FCER2: variants seen among roughly 807,000 people sequenced by gnomAD.
FCER2 encodes low affinity immunoglobulin epsilon Fc receptor.
A neutral mutation model predicts 49.7 loss-of-function variants in FCER2; 38 were observed. The ratio of observed to expected loss-of-function variants is 0.76; its 90% CI spans 0.59 to 1.00. The LOEUF is 1.00. FCER2 is among the 50% of genes least tolerant of loss of function. The pLI is 0.00. For synonymous variants in FCER2, 163 were observed against 164.6 expected (o/e 0.99, Z 0.07); for missense variants, 425 against 419.5 (o/e 1.01, Z -0.11).
intron 8 of FCER2, among the ~76,000 whole-genome samples, chr19:7,692,172 ACGTC>A (rs2032895290): frequency 7.6e-6 from 1 of 132,298 alleles, no homozygotes; most frequent in African/African-American, 3.2e-5. Flanking sequence ...GAATACATTC[ACGTC>A]CAACAACACA....
chr19:7,699,664 G>A lies in FCER2; in HGVS notation c.22+75C>T, dbSNP rs752360163. 1.3e-4 allele frequency: 169 copies of A among 1,295,486 alleles called. 1 individual carries two copies. In the East Asian group the frequency reaches 1.9e-3, roughly 15 times the overall value. The allele number at this position is 1,295,486 out of a possible 1,614,324, so 80.2% of individuals were successfully genotyped here. A position where few individuals can be genotyped will look rare whatever the true frequency, so the allele number is the denominator to read the frequency against. ...TCCCAGAGAGGGACTGGGGAGCCCC[G>A]CTTCTCTTCTGGGTGAAAGGCAGTA... On this transcript the variant is annotated intron_variant, in intron 2 of 10. Coordinates refer to ENST00000597921, the MANE Select transcript of FCER2 (RefSeq NM_001220500.2).
chr19:7,693,893 C>G (rs930810826), intron 8 of FCER2, among the ~76,000 whole-genome samples: 1 of 151,978 alleles, frequency 6.6e-6, no homozygotes, highest in African/African-American at 2.4e-5. Context: ...ATGTGATCCA[C>G]CTGCCTCGGC....
Position 7,690,162 on chromosome 19 carries a change from T to A in FCER2, c.725A>T (p.Tyr242Phe). 6.2e-7 allele frequency: 1 copy of A among 1,600,558 alleles called. No individual in the cohort carries two copies. Among genetic ancestry groups the A allele is most frequent in the Non-Finnish European group, 8.6e-7 (1 of 1,167,812 alleles). ...ATCCCAGAGGCCCCCTCCTCACCTGTAGTCCACGTGGCTCCCATCCACCCA... is the reference window on the plus strand; with the variant it reads ...ATCCCAGAGGCCCCCTCCTCACCTGAAGTCCACGTGGCTCCCATCCACCCA... ...FIWVDGSHVD[Y>F]SNWAPGEPTS... The change falls in exon 10 of 11, where the codon TAC (tyrosine) becomes TTC (phenylalanine). Residue 242 changes from tyrosine to phenylalanine, a missense_variant. Tyr to Phe is a conservative substitution (Grantham distance 22). Transcript: ENST00000597921.
rs888973830 is a variant in FCER2 at position 7,689,065 on chromosome 19, G to A, written c.*128C>T. On this transcript the variant is annotated 3_prime_UTR_variant, in exon 11 of 11. Transcript: ENST00000597921. Reference sequence around the variant, plus strand: ...GGGAAGGCAGGGGCCATAGAGGAGCGGGAGATGTGTCAGCTGCCTCCGTTT... The same window carrying A: ...GGGAAGGCAGGGGCCATAGAGGAGCAGGAGATGTGTCAGCTGCCTCCGTTT... 17 of 667,800 alleles carry A rather than the reference G, an allele frequency of 2.5e-5. No individual in the cohort carries two copies. The highest frequency in any genetic ancestry group is 1.5e-4 in the South Asian group (8 of 54,102). 41.4% of individuals were successfully genotyped at this position (667,800 alleles called of 1,614,324 possible).
At chr19:7,689,782 G>A (rs1442813020) in intron 10 of FCER2, among the ~76,000 whole-genome samples, 1 of 152,006 alleles carries the variant, frequency 6.6e-6, no homozygotes, top group Non-Finnish European at 1.5e-5. Context: ...ATCATGACTG[G>A]CTAATTTCTG....
chr19:7,697,669 G>T, intron 4 of FCER2, 80 bp from the exon 5 acceptor site: 1 of 1,144,792 alleles, frequency 8.7e-7, no homozygotes, highest in Non-Finnish European at 1.3e-6. Flanking sequence ...CAGGCTCAGG[G>T]ACCCTCTCAC....
In FCER2 at chr19:7,698,295, G is replaced by A. The variant is rs368372701; in HGVS notation, c.190+61C>T. On this transcript the variant is annotated intron_variant, in intron 4 of 10. Coordinates refer to ENST00000597921, the MANE Select transcript of FCER2 (RefSeq NM_001220500.2). ...GGGACACTGAGGCCCAGAGAGGAGC[G>A]GGATGAGTGCTGGGCATCCTAACCC... 461 of 1,180,394 alleles carry A rather than the reference G, an allele frequency of 3.9e-4. 2 individuals are homozygous for A. In the African/African-American group the frequency reaches 5.5e-3, roughly 14 times the overall value. The allele number at this position is 1,180,394 out of a possible 1,614,324, so 73.1% of individuals were successfully genotyped here. A position where few individuals can be genotyped will look rare whatever the true frequency, so the allele number is the denominator to read the frequency against.
At chr19:7,690,037 C>G (rs1456610588) in intron 10 of FCER2, 122 bp downstream of exon 10, 4 of 695,674 alleles carry the variant, frequency 5.7e-6, no homozygotes, top group Non-Finnish European at 1.0e-5. Context: ...TCCTTCTCCC[C>G]TGCACCCTAG....
intron 6 of FCER2, 27 bp from the exon 7 acceptor site, chr19:7,697,102 G>A (rs2033035900): frequency 6.2e-7 from 1 of 1,613,318 alleles, no homozygotes; most frequent in East Asian, 2.2e-5. Context: ...CGCAGGGCTG[G>A]TCTCAGGGAG....
At chr19:7,698,613 G>T in intron 3 of FCER2, 128 bp downstream of exon 3, 2 of 1,294,888 alleles carry the variant, frequency 1.5e-6, no homozygotes, top group Non-Finnish European at 2.1e-6. Context: ...AAGATGGGAG[G>T]CAGGATGGGA....
At position 7,688,929 on chromosome 19, in the gene FCER2, G is replaced by A; in HGVS notation, c.*264C>T. On this transcript the variant is annotated 3_prime_UTR_variant, in exon 11 of 11. Transcript: ENST00000597921. The stretch of plus-strand genomic sequence containing the variant: ...TGTACTCTCATCTGGAGAGGGTGCT[G>A]TTGGGGTGTACTCTCATCTGGAGAG... The A allele has an allele frequency of 2.0e-6, 1 of 508,400 alleles. No homozygotes were observed. Among genetic ancestry groups the A allele is most frequent in the Non-Finnish European group, 3.5e-6 (1 of 283,040 alleles). 31.5% of individuals were successfully genotyped at this position (508,400 alleles called of 1,614,324 possible). A position where few individuals can be genotyped will look rare whatever the true frequency, so the allele number is the denominator to read the frequency against.
chr19:7,698,819 G>C lies in FCER2; in HGVS notation c.58C>G (p.Arg20Gly), dbSNP rs773775018. 2 of 1,610,670 alleles carry C rather than the reference G, an allele frequency of 1.2e-6. No homozygotes were observed. The highest frequency in any genetic ancestry group is 1.7e-6 in the Non-Finnish European group (2 of 1,178,858). ...CCCAGCAGCACGATCTGAGTCCCAC[G>C]CCTGCAACACCGCCTCCTGGGAAGC... ...EELPRRRCCR[R>G]GTQIVLLGLV... Residue 20 changes from arginine to glycine, a missense_variant, in exon 3 of 11, where the codon CGT becomes GGT. Transcript: ENST00000597921.
intron 1 of FCER2, among the ~76,000 whole-genome samples, chr19:7,701,568 G>C (rs1367320959): frequency 1.3e-5 from 2 of 151,838 alleles, no homozygotes; most frequent in African/African-American, 4.8e-5. Context: ...TCACGCAGTG[G>C]TGGGACTGGA....
intron 6 of FCER2, 33 bp from the exon 7 acceptor site, chr19:7,697,108 G>GGGAGGATGTGTACAGGC: frequency 6.2e-7 from 1 of 1,613,162 alleles, no homozygotes; most frequent in Non-Finnish European, 8.5e-7. Flanking sequence ...GCTGGTCTCA[G>GGGAGGATGTGTACAGGC]GGAGGATGTG....
chr19:7,699,192 T>G (rs992104125), intron 2 of FCER2, among the ~76,000 whole-genome samples: 4 of 151,948 alleles, frequency 2.6e-5, no homozygotes, highest in African/African-American at 9.7e-5. Context: ...TCTGCACCTG[T>G]CCCCAACCTG....
chr19:7,698,362 G>C lies in FCER2; in HGVS notation c.184C>G (p.Arg62Gly), dbSNP rs2228137. 7.1e-5 allele frequency: 115 copies of C among 1,610,462 alleles called. No homozygotes were observed. In the East Asian group the frequency reaches 2.5e-3, roughly 34 times the overall value. Residue 62 changes from arginine to glycine, a missense_variant, in exon 4 of 11, where the codon CGG becomes GGG. Arg to Gly is a moderately radical substitution (Grantham distance 125, BLOSUM62 -2). Coordinates refer to ENST00000597921, the MANE Select transcript of FCER2 (RefSeq NM_001220500.2). ...CACCTTGACCCCTTCATACCGTTCC[G>C]GGCAGCCCTCTCTTCCAGCTGTTTT... is the stretch of plus-strand genomic sequence containing the variant. ...SLKQLEERAARNVSQVSKNLE... is the reference protein window; with the variant it reads ...SLKQLEERAAGNVSQVSKNLE...
chr19:7,690,072 C>A, intron 10 of FCER2, 87 bp downstream of exon 10: 1 of 876,716 alleles, frequency 1.1e-6, no homozygotes, highest in East Asian at 2.4e-5. Context: ...GAGCCCTCAT[C>A]CGCTTTCCGA....
rs1046106370 is a variant in FCER2, at chr19:7,690,544, G to A, written c.483C>T (p.Asn161=). ...AATTGATCCACTTTTCAGGGCACGT[G>A]TTGCACACAAAGCCTGGGGTGGAGG... ...ELQVSSGFVC[N]TCPEKWINFQ... The change falls in exon 9 of 11, where the codon AAC becomes AAT. Residue 161 remains asparagine, a synonymous_variant. Transcript: ENST00000597921. 1 of 1,614,014 alleles carries A rather than the reference G, an allele frequency of 6.2e-7. No homozygotes were observed. Among genetic ancestry groups the A allele is most frequent in the Non-Finnish European group, 8.5e-7 (1 of 1,179,958 alleles).
At chr19:7,695,399 G>A (rs1376676513) in intron 8 of FCER2, among the ~76,000 whole-genome samples, 1 of 152,188 alleles carries the variant, frequency 6.6e-6, no homozygotes, top group African/African-American at 2.4e-5. Context: ...AGAACCCAGC[G>A]AGGGTCAACA....
Sources: gnomAD v4.1 joint callset for allele counts (sites outside exome capture counted in the v4.1 genomes callset) on GRCh38, gnomAD v4.1.1 for gene constraint, MANE v1.5 for transcripts, NCBI Gene and HGNC (gene_info 2026-07-23, HGNC 2026-07-21) for gene names.